The following PRKAR1B variants were observed in gnomAD, a reference collection of about 807,000 sequenced individuals.
The protein encoded by PRKAR1B is protein kinase cAMP-dependent type I regulatory subunit beta.
In PRKAR1B, 22 loss-of-function variants were observed where a neutral mutation model predicts 46.5. That is an observed-to-expected ratio of 0.47 (90% CI 0.34 to 0.68). The LOEUF is 0.68. Among genes scored for constraint, PRKAR1B ranks in the 30% least tolerant of loss-of-function variants. PRKAR1B has a pLI of 0.01. For synonymous variants in PRKAR1B, 259 were observed against 217.7 expected (o/e 1.19, Z -1.67); for missense variants, 445 against 535.6 (o/e 0.83, Z 1.67).
chr7:554,800 CAG>C (rs1304161174), intron 9 of PRKAR1B, among the ~76,000 whole-genome samples: 2 of 148,778 alleles, frequency 1.3e-5, no homozygotes, highest in African/African-American at 5.0e-5. Flanking sequence ...AGCCGGAAGA[CAG>C]GGGAGACCAC....
At chr7:575,543 T>G (rs1197997553) in intron 9 of PRKAR1B, among the ~76,000 whole-genome samples, 3 of 152,036 alleles carry the variant, frequency 2.0e-5, no homozygotes, top group Non-Finnish European at 4.4e-5. Context: ...TTTTTTTGTT[T>G]TTGGTTTTGG....
intron 4 of PRKAR1B, among the ~76,000 whole-genome samples, chr7:664,582 A>G (rs1452365805): frequency 1.3e-5 from 2 of 152,160 alleles, no homozygotes; most frequent in African/African-American, 4.8e-5. Context: ...GGTACCGGAG[A>G]CCACACACCA....
chr7:559,785 A>C lies in PRKAR1B; in HGVS notation c.892-8315T>G, dbSNP rs995906584. 4.9e-4 allele frequency among the ~76,000 whole-genome samples: 74 copies of C among 152,206 alleles called. 1 individual carries two copies. Among genetic ancestry groups the C allele is most frequent in the Admixed American group, 4.8e-3 (73 of 15,286 alleles). On this transcript the variant is annotated intron_variant, in intron 9 of 10. Transcript: ENST00000537384. ...CAAATATATTCATTTTACTTAAATA[A>C]ATATTTTAGGCTGGGCACGGTGGCT...
chr7:638,498 G>A (rs917046477), intron 4 of PRKAR1B, among the ~76,000 whole-genome samples: 6 of 152,108 alleles, frequency 3.9e-5, no homozygotes, highest in African/African-American at 7.2e-5. Flanking sequence ...GACACATCAC[G>A]GGGCACAGGG....
intron 4 of PRKAR1B, among the ~76,000 whole-genome samples, chr7:630,159 C>A (rs1487560730): frequency 6.6e-6 from 1 of 152,202 alleles, no homozygotes; most frequent in Non-Finnish European, 1.5e-5. Flanking sequence ...AGTGGAAGAG[C>A]CAGGCACACC....
At chr7:556,988 C>T (rs556286272) in intron 9 of PRKAR1B, among the ~76,000 whole-genome samples, 86 of 152,334 alleles carry the variant, frequency 5.6e-4, no homozygotes, top group Middle Eastern at 3.4e-3. Flanking sequence ...CTTGCCCTCC[C>T]ACAGCCGACC....
chr7:557,234 G>C (rs1430733640), intron 9 of PRKAR1B, among the ~76,000 whole-genome samples: 2 of 152,178 alleles, frequency 1.3e-5, no homozygotes, highest in East Asian at 1.9e-4. Context: ...GCAGACCTGG[G>C]TTCGAATCCC....
At chr7:552,331 A>G (rs577402899) in intron 9 of PRKAR1B, among the ~76,000 whole-genome samples, 42 of 86,936 alleles carry the variant, frequency 4.8e-4, no homozygotes, top group East Asian at 1.1e-3. Context: ...TCCTTCCCGC[A>G]GAGCCACTGC....
chr7:715,687 G>A (rs1378970955), intron 1 of PRKAR1B, among the ~76,000 whole-genome samples: 4 of 151,826 alleles, frequency 2.6e-5, no homozygotes, highest in South Asian at 2.1e-4. Context: ...CAGTGACCAC[G>A]CTTTGCAGAA....
chr7:588,784 T>C (rs1780791606), intron 7 of PRKAR1B, among the ~76,000 whole-genome samples: 1 of 118,962 alleles, frequency 8.4e-6, no homozygotes, highest in African/African-American at 3.8e-5. Flanking sequence ...ATGGTGGTGA[T>C]GGTGGTGAGG....
chr7:584,776 G>A (rs1023894044), intron 7 of PRKAR1B, among the ~76,000 whole-genome samples: 1 of 152,194 alleles, frequency 6.6e-6, no homozygotes, highest in Non-Finnish European at 1.5e-5. Flanking sequence ...GGGGGCTTCT[G>A]GAGAAGCTCC....
At chr7:569,035 G>A (rs1249036884) in intron 9 of PRKAR1B, among the ~76,000 whole-genome samples, 3 of 151,356 alleles carry the variant, frequency 2.0e-5, no homozygotes, top group Non-Finnish European at 4.4e-5. Context: ...TGGGGGAGAG[G>A]GTGTTAAACT....
chr7:652,251 C>T (rs1358987025), intron 4 of PRKAR1B, among the ~76,000 whole-genome samples: 32 of 130,370 alleles, frequency 2.5e-4, no homozygotes, highest in Middle Eastern at 5.2e-3. Context: ...ACCCACACAG[C>T]GCTAGGAACC....
At chr7:551,900 C>CG (rs1784238505) in intron 9 of PRKAR1B, among the ~76,000 whole-genome samples, 6 of 41,660 alleles carry the variant, frequency 1.4e-4, no homozygotes, top group East Asian at 8.5e-4. Context: ...AGGTCCTTCT[C>CG]CAGAGCCACT....
chr7:556,928 G>T (rs769086208), intron 9 of PRKAR1B, among the ~76,000 whole-genome samples: 3 of 152,148 alleles, frequency 2.0e-5, no homozygotes, highest in African/African-American at 7.2e-5. Context: ...AAGAGTCCCC[G>T]TGCAAAGCTA....
chr7:657,993 AG>A (rs1169353428), intron 4 of PRKAR1B, among the ~76,000 whole-genome samples: 1 of 152,192 alleles, frequency 6.6e-6, no homozygotes, highest in Non-Finnish European at 1.5e-5. Flanking sequence ...AAATGCAGAG[AG>A]AAATGCAAAC....
intron 4 of PRKAR1B, among the ~76,000 whole-genome samples, chr7:619,680 G>A (rs982729175): frequency 3.3e-5 from 5 of 152,198 alleles, no homozygotes; most frequent in East Asian, 1.9e-4. Context: ...TTGTTCTGCC[G>A]TCCCTTCCTG....
chr7:652,753 AC>A (rs943837258), intron 4 of PRKAR1B, among the ~76,000 whole-genome samples: 6 of 152,322 alleles, frequency 3.9e-5, no homozygotes, highest in African/African-American at 1.4e-4. Flanking sequence ...ACAATTCCCA[AC>A]CCATTCAATA....
intron 6 of PRKAR1B, among the ~76,000 whole-genome samples, chr7:599,517 A>G (rs2128458679): frequency 6.6e-6 from 1 of 151,498 alleles, no homozygotes; most frequent in African/African-American, 2.4e-5. Context: ...CAAACTCCTG[A>G]CCTCAGGTGA....
Sources: gnomAD v4.1 joint callset for allele counts (sites outside exome capture counted in the v4.1 genomes callset) on GRCh38, gnomAD v4.1.1 for gene constraint, MANE v1.5 for transcripts, NCBI Gene and HGNC (gene_info 2026-07-23, HGNC 2026-07-21) for gene names.